The following DPP6 variants were observed in gnomAD, a reference collection of about 807,000 sequenced individuals.
DPP6 encodes dipeptidyl peptidase like 6, also known as A-type potassium channel modulatory protein DPP6.
In DPP6, 69 loss-of-function variants were observed where a neutral mutation model predicts 122.6. The ratio of observed to expected loss-of-function variants is 0.56; its 90% CI spans 0.46 to 0.69. The LOEUF is 0.69. DPP6 is among the 30% of genes least tolerant of loss of function. The pLI is 0.00. For synonymous variants in DPP6, 418 were observed against 433.1 expected (o/e 0.97, Z 0.43); for missense variants, 928 against 1,116.9 (o/e 0.83, Z 2.41).
intron 5 of DPP6, among the ~76,000 whole-genome samples, chr7:154,584,730 T>G (rs187950136): frequency 8.6e-4 from 131 of 152,330 alleles, no homozygotes; most frequent in Admixed American, 1.8e-3. Context: ...ACTTTCATAC[T>G]AAGGAGGGCT....
chr7:154,457,089 G>A lies in DPP6; in HGVS notation c.358+10761G>A, dbSNP rs569647993. 3.0e-4 allele frequency among the ~76,000 whole-genome samples: 21 copies of A among 69,232 alleles called. 7 individuals are homozygous for A. Among genetic ancestry groups the A allele is most frequent in the Non-Finnish European group, 5.5e-4 (19 of 34,738 alleles). 45.4% of individuals were successfully genotyped at this position (69,232 alleles called of 152,430 possible). ...GATAGCTCTTATTATTTTGAAATAC[G>A]TCCCATCAATACCTAATTTATTGAG... On this transcript the variant is annotated intron_variant, in intron 2 of 25. Coordinates refer to ENST00000377770, the MANE Select transcript of DPP6 (RefSeq NM_130797.4).
chr7:154,058,648 C>T (rs1178565736), intron 1 of DPP6: 1 of 148,936 alleles, frequency 6.7e-6, no homozygotes, highest in Non-Finnish European at 1.5e-5. Flanking sequence ...ATCCTAAGAT[C>T]CTTAGGACCC....
At chr7:153,795,019 G>T in the DPP6 span, among the ~76,000 whole-genome samples, 1 of 152,114 alleles carries the variant, frequency 6.6e-6, no homozygotes, top group African/African-American at 2.4e-5. Context: ...TATCAGCAGC[G>T]TGAAAATGGA....
At position 154,256,998 on chromosome 7, in the gene DPP6, CT is replaced by C. The variant is rs66710949; in HGVS notation, c.244-189201del. Among the ~76,000 whole-genome samples, 207 of 132,790 alleles carry C rather than the reference CT, an allele frequency of 1.6e-3. 1 individual carries two copies. The highest frequency in any genetic ancestry group is 7.9e-3 in the Middle Eastern group (2 of 252). 87.1% of individuals were successfully genotyped at this position (132,790 alleles called of 152,430 possible). A position where few individuals can be genotyped will look rare whatever the true frequency, so the allele number is the denominator to read the frequency against. ...TTTTCTTTTTCTTTTTCTTCTTCTT[CT>C]TTTTTTTTTTTTTTGGAGACAGTGT... On this transcript the variant is annotated intron_variant, in intron 1 of 25. Coordinates refer to ENST00000377770, the MANE Select transcript of DPP6 (RefSeq NM_130797.4).
intron 4 of DPP6, among the ~76,000 whole-genome samples, chr7:154,547,850 G>A (rs912371282): frequency 2.0e-5 from 3 of 151,964 alleles, no homozygotes; most frequent in African/African-American, 7.3e-5. Context: ...AGATAGAACA[G>A]AAAACAAGTA....
chr7:154,344,923 G>T (rs755148830), intron 1 of DPP6, among the ~76,000 whole-genome samples: 1 of 152,088 alleles, frequency 6.6e-6, no homozygotes, highest in Admixed American at 6.5e-5. Flanking sequence ...ACCTCCAAGT[G>T]CTGTTGTGGG....
At chr7:154,724,160 T>A (rs1841952698) in intron 7 of DPP6, among the ~76,000 whole-genome samples, 1 of 151,952 alleles carries the variant, frequency 6.6e-6, no homozygotes, top group Non-Finnish European at 1.5e-5. Flanking sequence ...GTGCATTAGG[T>A]TTTTCAAAAG....
intron 1 of DPP6, among the ~76,000 whole-genome samples, chr7:153,959,346 G>A (rs2129027360): frequency 6.6e-6 from 1 of 152,276 alleles, no homozygotes; most frequent in African/African-American, 2.4e-5. Flanking sequence ...CTCAGTAAGT[G>A]TAGAATCCCT....
intron 1 of DPP6, among the ~76,000 whole-genome samples, chr7:154,330,432 G>A (rs1036410191): frequency 6.6e-6 from 1 of 152,160 alleles, no homozygotes; most frequent in East Asian, 1.9e-4. Flanking sequence ...ACACTGGAGT[G>A]TGGCCAGTTA....
intron 1 of DPP6, among the ~76,000 whole-genome samples, chr7:154,067,135 AC>A (rs1217647900): frequency 8.1e-6 from 1 of 122,774 alleles, no homozygotes; most frequent in African/African-American, 3.2e-5. Flanking sequence ...ATATCCAATA[AC>A]TAATAGGAAG....
intron 1 of DPP6, among the ~76,000 whole-genome samples, chr7:153,939,638 G>A (rs1377010063): frequency 6.6e-6 from 1 of 152,200 alleles, no homozygotes; most frequent in African/African-American, 2.4e-5. Context: ...TTATTTGAAT[G>A]TGTCAAGTCT....
chr7:154,201,790 T>C lies in DPP6; in HGVS notation c.243+148727T>C, dbSNP rs147893275. ...GTGTAACCACATCAGTGGGTCTGCA[T>C]ACCATTGAAAAGAGTTTCTCAATCA... On this transcript the variant is annotated intron_variant, in intron 1 of 25. Transcript: ENST00000377770. Among the ~76,000 whole-genome samples the C allele has an allele frequency of 2.5e-3, 380 of 152,342 alleles. 1 individual carries two copies. The highest frequency in any genetic ancestry group is 4.2e-3 in the Non-Finnish European group (287 of 68,032).
intron 6 of DPP6, among the ~76,000 whole-genome samples, chr7:154,661,852 G>A (rs1423029680): frequency 2.7e-5 from 4 of 148,282 alleles, no homozygotes; most frequent in African/African-American, 1.0e-4. Context: ...TGGCATATTG[G>A]CCATAGTGTT....
At chr7:154,706,228 T>A (rs1439074920) in intron 7 of DPP6, among the ~76,000 whole-genome samples, 1 of 152,130 alleles carries the variant, frequency 6.6e-6, no homozygotes, top group Non-Finnish European at 1.5e-5. Flanking sequence ...TGCTGTGGCC[T>A]CCTCCCTTCC....
At chr7:154,198,630 A>T (rs1454216842) in intron 1 of DPP6, among the ~76,000 whole-genome samples, 2 of 152,138 alleles carry the variant, frequency 1.3e-5, no homozygotes, top group African/African-American at 4.8e-5. Context: ...CACATATTTT[A>T]AATTTATTCC....
At chr7:154,313,095 CAT>C (rs1396279417) in intron 1 of DPP6, among the ~76,000 whole-genome samples, 1 of 152,186 alleles carries the variant, frequency 6.6e-6, no homozygotes, top group East Asian at 1.9e-4. Flanking sequence ...GGGAAGGAAA[CAT>C]ATTTTTAATT....
At chr7:154,017,234 A>AT (rs1371711707) in intron 1 of DPP6, among the ~76,000 whole-genome samples, 1 of 152,076 alleles carries the variant, frequency 6.6e-6, no homozygotes, top group Non-Finnish European at 1.5e-5. Context: ...AGCCCAGCTA[A>AT]TTTTTTGAGT....
intron 1 of DPP6, among the ~76,000 whole-genome samples, chr7:154,275,110 T>C (rs1804044132): frequency 6.6e-6 from 1 of 152,262 alleles, no homozygotes; most frequent in Non-Finnish European, 1.5e-5. Flanking sequence ...GAGCTCTTAC[T>C]GCCCGCCTGG....
At chr7:154,560,345 A>G (rs1480718651) in intron 4 of DPP6, among the ~76,000 whole-genome samples, 1 of 152,216 alleles carries the variant, frequency 6.6e-6, no homozygotes, top group Non-Finnish European at 1.5e-5. Context: ...TGGAAAGTGA[A>G]AATATAAACA....
Sources: gnomAD v4.1 joint callset for allele counts (sites outside exome capture counted in the v4.1 genomes callset) on GRCh38, gnomAD v4.1.1 for gene constraint, MANE v1.5 for transcripts, NCBI Gene and HGNC (gene_info 2026-07-23, HGNC 2026-07-21) for gene names.